TMEM50B: variants seen among roughly 807,000 people sequenced by gnomAD.
The protein encoded by TMEM50B is HCV p7-trans-regulated protein 3.
A neutral mutation model predicts 23.4 loss-of-function variants in TMEM50B; 14 were observed. That is an observed-to-expected ratio of 0.60 (90% CI 0.39 to 0.93). The LOEUF (loss-of-function observed/expected upper bound fraction) is 0.93, where lower values mean the gene tolerates loss of function less well. Ranked by LOEUF, TMEM50B falls within the 40% of genes least tolerant of loss-of-function variation. The probability of loss-of-function intolerance (pLI) is 0.00; values close to 1 mark genes in which losing one functional copy is unlikely to be tolerated. For synonymous variants in TMEM50B, 64 were observed against 62.3 expected, an observed-to-expected ratio of 1.03 and a Z score of -0.13; for missense variants, 159 against 193.0, an observed-to-expected ratio of 0.82 and a Z score of 1.04.
At chr21:33,473,535 G>T (rs2084338131) in intron 1 of TMEM50B, among the ~76,000 whole-genome samples, 1 of 149,952 alleles carries the variant, frequency 6.7e-6, no homozygotes, top group African/African-American at 2.5e-5. Context: ...GGATAGCCAA[G>T]CATGGTGGTG....
At chr21:33,454,056 T>C (rs1040395201) in intron 6 of TMEM50B, among the ~76,000 whole-genome samples, 1 of 146,044 alleles carries the variant, frequency 6.8e-6, no homozygotes, top group Admixed American at 7.1e-5. Flanking sequence ...TGAGCTGAGA[T>C]TGCACCACTG....
intron 8 of TMEM50B, chr21:33,432,839 A>T: frequency 1.2e-6 from 2 of 1,611,966 alleles, no homozygotes; most frequent in Non-Finnish European, 1.7e-6. Context: ...CTGGTTTCAC[A>T]CTCCACCAAG....
chr21:33,433,504 A>T (rs1003773248), intron 8 of TMEM50B, among the ~76,000 whole-genome samples: 1 of 152,222 alleles, frequency 6.6e-6, no homozygotes, highest in Non-Finnish European at 1.5e-5. Context: ...TGAGTAGAGT[A>T]GGGCAGTCAC....
At chr21:33,455,063 C>T (rs1157706360) in intron 6 of TMEM50B, among the ~76,000 whole-genome samples, 2 of 151,958 alleles carry the variant, frequency 1.3e-5, no homozygotes. Context: ...CTGCAGTGAG[C>T]CGAGATTGTT....
At chr21:33,470,606 A>G (rs1171681640) in intron 1 of TMEM50B, among the ~76,000 whole-genome samples, 1 of 151,496 alleles carries the variant, frequency 6.6e-6, no homozygotes, top group Non-Finnish European at 1.5e-5. Flanking sequence ...GCATGATGGC[A>G]GGCGCCTGTA....
downstream of TMEM50B, among the ~76,000 whole-genome samples, chr21:33,448,335 G>C (rs1484748904): frequency 6.6e-6 from 1 of 152,068 alleles, no homozygotes; most frequent in East Asian, 1.9e-4. Flanking sequence ...AAAATTAAGT[G>C]ATTTGCTCAC....
In TMEM50B at chr21:33,470,328, G is replaced by C. The variant is rs1328948340; in HGVS notation, c.-41-1402C>G. Among the ~76,000 whole-genome samples, 4 of 149,686 alleles carry C rather than the reference G, an allele frequency of 2.7e-5. No homozygotes were observed. In the Admixed American group the frequency reaches 2.7e-4, roughly 10 times the overall value. ...CTCTACTAAAAATACAAAAATCTGA[G>C]GCAGGAGAATCGCTTGAACCCGGGA... On this transcript the variant is annotated intron_variant, in intron 1 of 6. Transcript: ENST00000542230.
chr21:33,477,532 T>C (rs1231031327), intron 1 of TMEM50B, among the ~76,000 whole-genome samples: 2 of 152,134 alleles, frequency 1.3e-5, no homozygotes, highest in Non-Finnish European at 2.9e-5. Context: ...GAATGTTACT[T>C]TAATCATTTA....
At chr21:33,442,007 TTTTA>T (rs572992128) in intron 7 of TMEM50B, among the ~76,000 whole-genome samples, 296 of 98,504 alleles carry the variant, frequency 3.0e-3, no homozygotes, top group African/African-American at 0.018. Flanking sequence ...TGTCAGGGTT[TTTTA>T]TTTGTTTGCT....
At chr21:33,437,076 G>T in intron 8 of TMEM50B, 1 of 1,059,324 alleles carries the variant, frequency 9.4e-7, no homozygotes. Context: ...GCCTCTAAAA[G>T]GCCTGTCCCT....
rs1013471054 is a variant in TMEM50B, at chr21:33,432,951, T to A, written c.*2121-149A>T. 9 of 1,205,174 alleles carry A rather than the reference T, an allele frequency of 7.5e-6. No homozygotes were observed. In the African/African-American group the frequency reaches 1.2e-4, roughly 16 times the overall value. The allele number at this position is 1,205,174 out of a possible 1,614,324, so 74.7% of individuals were successfully genotyped here. A position where few individuals can be genotyped will look rare whatever the true frequency, so the allele number is the denominator to read the frequency against. On this transcript the variant is annotated intron_variant and NMD_transcript_variant, in intron 8 of 8. Coordinates refer to the TMEM50B transcript ENST00000420455. ...CCCAGGCGGGAGTGTCATGGTACAA[T>A]CTCTGCTCACTGCAGCCTCCATCTC...
intron 8 of TMEM50B, chr21:33,437,225 G>T (rs895456971): frequency 3.0e-5 from 13 of 437,250 alleles, no homozygotes; most frequent in Admixed American, 1.8e-4. Context: ...CACTAAAAAG[G>T]CATGTAATTG....
At chr21:33,478,766 TA>T (rs759553030) in intron 1 of TMEM50B, 1 of 470,828 alleles carries the variant, frequency 2.1e-6, no homozygotes, top group South Asian at 1.6e-5. Context: ...AAAAAAAGTT[TA>T]ATGTTTGCTC....
chr21:33,437,771 GC>G (rs2083971660), intron 8 of TMEM50B, among the ~76,000 whole-genome samples: 2 of 152,028 alleles, frequency 1.3e-5, no homozygotes, highest in Non-Finnish European at 2.9e-5. Context: ...ATCACTTGAG[GC>G]CAGGAGTTCT....
At chr21:33,437,180 G>A (rs17878895) in intron 8 of TMEM50B, 40 of 541,110 alleles carry the variant, frequency 7.4e-5, no homozygotes, top group Admixed American at 5.4e-4. Context: ...ATGATTTTAC[G>A]GAGATATCCC....
intron 6 of TMEM50B, among the ~76,000 whole-genome samples, chr21:33,452,938 C>T (rs1436762195): frequency 6.6e-6 from 1 of 151,928 alleles, no homozygotes; most frequent in Non-Finnish European, 1.5e-5. Flanking sequence ...TAAGGGAAGA[C>T]ATCAGAAATA....
chr21:33,457,735 T>A (rs1319938229), intron 5 of TMEM50B, among the ~76,000 whole-genome samples: 3 of 151,958 alleles, frequency 2.0e-5, no homozygotes. Flanking sequence ...AATGGCAATT[T>A]ATCCCTATTT....
intron 8 of TMEM50B, chr21:33,432,956 GCT>G: frequency 9.0e-7 from 1 of 1,110,636 alleles, no homozygotes; most frequent in South Asian, 1.3e-5. Flanking sequence ...TACAATCTCT[GCT>G]CACTGCAGCC....
intron 8 of TMEM50B, among the ~76,000 whole-genome samples, chr21:33,438,355 C>T (rs961114115): frequency 6.6e-6 from 1 of 152,176 alleles, no homozygotes; most frequent in Admixed American, 6.5e-5. Flanking sequence ...TTATATGTGA[C>T]AAGTCACACT....
Sources: allele counts gnomAD v4.1 joint callset (sites outside exome capture counted in the v4.1 genomes callset), GRCh38; gene constraint gnomAD v4.1.1; transcripts MANE v1.5; gene names NCBI Gene and HGNC (gene_info 2026-07-23, HGNC 2026-07-21).